The following SMYD3 variants were observed in gnomAD, a reference collection of about 807,000 sequenced individuals.
The protein encoded by SMYD3 is histone-lysine N-methyltransferase SMYD3.
Under a neutral mutation model 57.7 loss-of-function variants are expected in SMYD3, and 36 were observed. That is an observed-to-expected ratio of 0.62 (90% CI 0.48 to 0.82). The LOEUF (loss-of-function observed/expected upper bound fraction) is 0.82. SMYD3 is among the 40% of genes least tolerant of loss of function. SMYD3 has a pLI of 0.00. For synonymous variants in SMYD3, 211 were observed against 195.0 expected, an observed-to-expected ratio of 1.08 and a Z score of -0.68; for missense variants, 515 against 538.8, an observed-to-expected ratio of 0.96 and a Z score of 0.44.
At chr1:245,814,233 G>T in intron 10 of SMYD3, 1 of 292,854 alleles carries the variant, frequency 3.4e-6, no homozygotes, top group Non-Finnish European at 5.1e-6. Flanking sequence ...CTGCATTTCT[G>T]GTCTACTCCT....
chr1:246,184,509 C>T (rs974972718), intron 5 of SMYD3, among the ~76,000 whole-genome samples: 1 of 152,180 alleles, frequency 6.6e-6, no homozygotes, highest in South Asian at 2.1e-4. Flanking sequence ...TGACTTCTTG[C>T]TTCTAACAAT....
chr1:246,331,767 T>G (rs988950448), intron 3 of SMYD3, among the ~76,000 whole-genome samples: 3 of 152,216 alleles, frequency 2.0e-5, no homozygotes, highest in African/African-American at 7.2e-5. Flanking sequence ...TAACAACACG[T>G]GTTCACTTTG....
chr1:245,979,959 T>G (rs188527169), intron 5 of SMYD3, among the ~76,000 whole-genome samples: 9 of 152,360 alleles, frequency 5.9e-5, no homozygotes, highest in Middle Eastern at 6.8e-3. Flanking sequence ...GAAGCGCAGC[T>G]TCTGCGTCAG....
At chr1:245,969,297 G>T (rs531144249) in intron 5 of SMYD3, among the ~76,000 whole-genome samples, 5 of 152,298 alleles carry the variant, frequency 3.3e-5, no homozygotes, top group Admixed American at 3.3e-4. Flanking sequence ...GAGACCATCA[G>T]CAACAATACA....
chr1:245,841,174 C>T (rs4641281), intron 10 of SMYD3, among the ~76,000 whole-genome samples: 152,006 of 152,378 alleles, frequency 1, 75,818 homozygotes, highest in Middle Eastern at 1. Flanking sequence ...GTTAATTTGC[C>T]GATGTTACTA....
At chr1:245,815,987 T>C (rs2048782248) in intron 10 of SMYD3, among the ~76,000 whole-genome samples, 1 of 152,162 alleles carries the variant, frequency 6.6e-6, no homozygotes, top group Non-Finnish European at 1.5e-5. Context: ...GGTGAGTAGG[T>C]AAGTTGCGGC....
At chr1:246,148,748 C>T (rs1051737584) in intron 5 of SMYD3, among the ~76,000 whole-genome samples, 7 of 152,230 alleles carry the variant, frequency 4.6e-5, no homozygotes, top group African/African-American at 1.7e-4. Context: ...TAAGTGACTT[C>T]TGGAACGAAA....
chr1:246,163,510 C>T (rs1032853012), intron 5 of SMYD3, among the ~76,000 whole-genome samples: 7 of 152,206 alleles, frequency 4.6e-5, no homozygotes. Flanking sequence ...CAGGACTCTA[C>T]CTGCTAGACT....
chr1:246,367,296 A>T (rs1322066981), intron 1 of SMYD3, among the ~76,000 whole-genome samples: 1 of 152,214 alleles, frequency 6.6e-6, no homozygotes, highest in African/African-American at 2.4e-5. Flanking sequence ...GTATTGCAAA[A>T]GAGAAGGAGT....
intron 1 of SMYD3, among the ~76,000 whole-genome samples, chr1:246,458,701 C>T (rs1275679481): frequency 2.8e-5 from 4 of 141,356 alleles, no homozygotes; most frequent in Non-Finnish European, 6.0e-5. Context: ...CTCCTGACCT[C>T]GTGATCCGCC....
intron 8 of SMYD3, among the ~76,000 whole-genome samples, chr1:245,869,457 T>C (rs551873586): frequency 6.6e-6 from 1 of 152,312 alleles, no homozygotes; most frequent in African/African-American, 2.4e-5. Context: ...GTAACCACTC[T>C]AGTGATTTCA....
intron 5 of SMYD3, among the ~76,000 whole-genome samples, chr1:246,176,713 G>C (rs2062441337): frequency 6.6e-6 from 1 of 152,114 alleles, no homozygotes; most frequent in Non-Finnish European, 1.5e-5. Context: ...TGCAGAGACA[G>C]GGTTTTGCCA....
At chr1:246,274,739 C>A (rs1205729130) in intron 5 of SMYD3, among the ~76,000 whole-genome samples, 6 of 152,082 alleles carry the variant, frequency 3.9e-5, no homozygotes, top group Admixed American at 1.3e-4. Flanking sequence ...CAAAAAGCAC[C>A]TTTCTCTGAC....
At chr1:246,381,993 G>A (rs992193819) in intron 1 of SMYD3, among the ~76,000 whole-genome samples, 4 of 143,488 alleles carry the variant, frequency 2.8e-5, no homozygotes, top group Admixed American at 7.0e-5. Context: ...GGCCAACCGC[G>A]GGCTCCAGGT....
chr1:245,836,715 G>A (rs2050124051), intron 10 of SMYD3, among the ~76,000 whole-genome samples: 1 of 152,262 alleles, frequency 6.6e-6, no homozygotes, highest in East Asian at 1.9e-4. Context: ...CTGGCAGCAG[G>A]GGACTGGTCC....
chr1:245,839,008 A>C (rs1417153563), intron 10 of SMYD3, among the ~76,000 whole-genome samples: 3 of 152,162 alleles, frequency 2.0e-5, no homozygotes, highest in Non-Finnish European at 4.4e-5. Context: ...CGTCTGCAGC[A>C]CTAGCCCCTC....
intron 1 of SMYD3, among the ~76,000 whole-genome samples, chr1:246,359,577 T>A (rs1284616536): frequency 6.6e-6 from 1 of 152,084 alleles, no homozygotes; most frequent in Non-Finnish European, 1.5e-5. Context: ...AAATACAAGC[T>A]AACTGAATCC....
At chr1:246,332,255 G>A (rs368132513) in intron 3 of SMYD3, among the ~76,000 whole-genome samples, 56 of 152,304 alleles carry the variant, frequency 3.7e-4, no homozygotes, top group African/African-American at 1.3e-3. Context: ...AATGAAAAGA[G>A]CTACTCCCAT....
At chr1:246,141,604 G>GT (rs1461409869) in intron 5 of SMYD3, among the ~76,000 whole-genome samples, 1 of 152,104 alleles carries the variant, frequency 6.6e-6, no homozygotes, top group African/African-American at 2.4e-5. Context: ...AGAAACTGTG[G>GT]TAAGTCCTTT....
Sources: gnomAD v4.1 joint callset for allele counts (sites outside exome capture counted in the v4.1 genomes callset) on GRCh38, gnomAD v4.1.1 for gene constraint, MANE v1.5 for transcripts, NCBI Gene and HGNC (gene_info 2026-07-23, HGNC 2026-07-21) for gene names.